The following CFAP221 variants were observed in gnomAD, a reference collection of about 807,000 sequenced individuals.
The protein encoded by CFAP221 is cilia and flagella associated protein 221.
In CFAP221, 97 loss-of-function variants were observed where a neutral mutation model predicts 113.1. The ratio of observed to expected loss-of-function variants is 0.86; its 90% CI spans 0.73 to 1.02. The LOEUF (loss-of-function observed/expected upper bound fraction) is 1.02, where lower values mean the gene tolerates loss of function less well. Ranked by LOEUF, CFAP221 falls within the 50% of genes least tolerant of loss-of-function variation. The pLI is 0.00. For synonymous variants in CFAP221, 331 were observed against 354.4 expected (o/e 0.93, Z 0.74); for missense variants, 1,025 against 1,013.4 (o/e 1.01, Z -0.16).
chr2:119,633,477 A>T (rs1158608254), intron 19 of CFAP221, among the ~76,000 whole-genome samples: 1 of 152,024 alleles, frequency 6.6e-6, no homozygotes. Flanking sequence ...ACTTGTATCC[A>T]GAATATATAA....
At chr2:119,613,043 T>C (rs1420813564) in intron 13 of CFAP221, among the ~76,000 whole-genome samples, 2 of 152,184 alleles carry the variant, frequency 1.3e-5, no homozygotes, top group African/African-American at 4.8e-5. Context: ...CCCATGCAAG[T>C]CAGAAATTCA....
intron 21 of CFAP221, among the ~76,000 whole-genome samples, chr2:119,644,752 A>T (rs1473127277): frequency 1.3e-5 from 2 of 152,178 alleles, no homozygotes; most frequent in Non-Finnish European, 1.5e-5. Flanking sequence ...ACACATATAC[A>T]TATCCATATT....
intron 12 of CFAP221, among the ~76,000 whole-genome samples, chr2:119,609,748 G>T (rs1162779556): frequency 6.6e-6 from 1 of 152,308 alleles, no homozygotes; most frequent in African/African-American, 2.4e-5. Flanking sequence ...TTTTTGAGCT[G>T]GGTAATGTGA....
rs969757646 is a variant in CFAP221, at chr2:119,559,992, G to A, written c.392G>A (p.Arg131Gln). 31 of 1,533,340 alleles carry A rather than the reference G, an allele frequency of 2.0e-5. No individual in the cohort carries two copies. The Middle Eastern group carries it at 5.0e-4, about 25-fold the overall frequency. The allele number at this position is 1,533,340 out of a possible 1,614,324, so 95.0% of individuals were successfully genotyped here. The change falls in exon 5 of 24, where the codon CGA (arginine) becomes CAA (glutamine). Residue 131 changes from arginine to glutamine, a missense_variant. Physicochemically the swap from Arg to Gln is conservative, Grantham distance 43. Coordinates refer to ENST00000413369, the MANE Select transcript of CFAP221 (RefSeq NM_001271049.2). ...GTTACATTTTCTCCAGATGAGTGGC[G>A]ATACTATTATGACTGCATCCGTGTT... Reference protein sequence around the residue: ...VTVTFSPDEWRYYYDCIRVHC... With the variant: ...VTVTFSPDEWQYYYDCIRVHC...
At chr2:119,639,745 A>G (rs1687363665) in intron 20 of CFAP221, 36 bp from the exon 21 acceptor site, 2 of 1,551,188 alleles carry the variant, frequency 1.3e-6, no homozygotes, top group East Asian at 2.2e-5. Context: ...TTACCTCACC[A>G]AACAGTTGCT....
chr2:119,559,845 G>T, intron 4 of CFAP221, 70 bp downstream of exon 4: 2 of 1,475,102 alleles, frequency 1.4e-6, no homozygotes, highest in Non-Finnish European at 1.8e-6. Context: ...GTGGGGTGGG[G>T]GGTGTGTGGT....
intron 6 of CFAP221, among the ~76,000 whole-genome samples, chr2:119,573,814 AC>A (rs1336708158): frequency 6.6e-6 from 1 of 152,216 alleles, no homozygotes; most frequent in Non-Finnish European, 1.5e-5. Flanking sequence ...CAGTCTAGTT[AC>A]TCATCTTGAC....
At chr2:119,580,393 A>C (rs943764911) in intron 6 of CFAP221, 1 of 152,170 alleles carries the variant, frequency 6.6e-6, no homozygotes, top group African/African-American at 2.4e-5. Context: ...GCAGGCCTAT[A>C]CCCTATTGGG....
intron 23 of CFAP221, among the ~76,000 whole-genome samples, chr2:119,655,690 T>A (rs184980354): frequency 9.9e-5 from 15 of 152,186 alleles, no homozygotes; most frequent in Admixed American, 9.8e-4. Context: ...GAGCCGAGTC[T>A]CCATCTTAAC....
chr2:119,594,420 A>G (rs1318384085), intron 7 of CFAP221, among the ~76,000 whole-genome samples: 2 of 151,662 alleles, frequency 1.3e-5, no homozygotes, highest in African/African-American at 2.4e-5. Flanking sequence ...TTGTTATTGT[A>G]TATTTAGTAG....
Position 119,560,037 on chromosome 2 carries a change from T to C in CFAP221, c.426+11T>C. On this transcript the variant is annotated intron_variant, in intron 5 of 23. Coordinates refer to ENST00000413369, the MANE Select transcript of CFAP221 (RefSeq NM_001271049.2). ...CGTGTTCACTGTAAGGTAGGTCTCT[T>C]AAAATTGCTTTTTTTTTTTTTTTTT... 1 of 1,365,682 alleles carries C rather than the reference T, an allele frequency of 7.3e-7. No individual in the cohort carries two copies. Among genetic ancestry groups the C allele is most frequent in the Non-Finnish European group, 9.8e-7 (1 of 1,020,660 alleles). 84.6% of individuals were successfully genotyped at this position (1,365,682 alleles called of 1,614,324 possible).
At chr2:119,648,850 C>T (rs1360752475) in intron 22 of CFAP221, among the ~76,000 whole-genome samples, 1 of 152,178 alleles carries the variant, frequency 6.6e-6, no homozygotes, top group Admixed American at 6.5e-5. Flanking sequence ...TTACCAAAAG[C>T]CAGATGCTCC....
At chr2:119,553,971 G>GTCTAGGTGGTCATACTGCTTCGA (rs1204349331) in intron 3 of CFAP221, among the ~76,000 whole-genome samples, 1 of 152,174 alleles carries the variant, frequency 6.6e-6, no homozygotes, top group East Asian at 1.9e-4. Flanking sequence ...ACAATGTAAA[G>GTCTAGGTGGTCATACTGCTTCGA]TCTAGGTGGT....
At chr2:119,566,513 G>A (rs963458933) in intron 6 of CFAP221, among the ~76,000 whole-genome samples, 2 of 152,188 alleles carry the variant, frequency 1.3e-5, no homozygotes, top group African/African-American at 4.8e-5. Flanking sequence ...ACTCTGTGCT[G>A]ACTGCAGTCC....
At chr2:119,550,582 G>A (rs1220649494) in intron 3 of CFAP221, among the ~76,000 whole-genome samples, 5 of 152,146 alleles carry the variant, frequency 3.3e-5, no homozygotes, top group Admixed American at 6.5e-5. Context: ...CCTACTGTTC[G>A]TGGTTATAAG....
intron 6 of CFAP221, among the ~76,000 whole-genome samples, chr2:119,568,183 A>G (rs535800005): frequency 1.3e-5 from 2 of 152,354 alleles, no homozygotes; most frequent in South Asian, 2.1e-4. Context: ...TGAACGTATA[A>G]GATATATACA....
intron 19 of CFAP221, among the ~76,000 whole-genome samples, chr2:119,633,915 G>T (rs1686948981): frequency 1.3e-5 from 2 of 152,204 alleles, no homozygotes; most frequent in Admixed American, 6.5e-5. Flanking sequence ...TAGTATGGAG[G>T]TTCCTCAAAA....
intron 3 of CFAP221, among the ~76,000 whole-genome samples, chr2:119,549,979 C>T (rs910569796): frequency 6.6e-6 from 1 of 152,200 alleles, no homozygotes; most frequent in East Asian, 1.9e-4. Context: ...GCATCCTGTG[C>T]GTAAATGGAC....
intron 8 of CFAP221, among the ~76,000 whole-genome samples, chr2:119,603,254 T>A (rs1480149232): frequency 6.6e-6 from 1 of 152,056 alleles, no homozygotes; most frequent in Non-Finnish European, 1.5e-5. Flanking sequence ...GTCATCGACG[T>A]TGAGGATATT....
Sources: allele counts gnomAD v4.1 joint callset (sites outside exome capture counted in the v4.1 genomes callset), GRCh38; gene constraint gnomAD v4.1.1; transcripts MANE v1.5; gene names NCBI Gene and HGNC (gene_info 2026-07-23, HGNC 2026-07-21).